KIDINS220: variants seen among roughly 807,000 people sequenced by gnomAD.
The protein encoded by KIDINS220 is kinase D interacting substrate 220.
In KIDINS220, 63 loss-of-function variants were observed where a neutral mutation model predicts 157.6. The ratio of observed to expected loss-of-function variants is 0.40; its 90% CI spans 0.33 to 0.49. KIDINS220 has a LOEUF of 0.49. KIDINS220 is among the 20% of genes least tolerant of loss of function. The pLI is 0.66. For missense variants in KIDINS220, 1,772 were observed against 2,171.2 expected, an observed-to-expected ratio of 0.82 and a Z score of 3.65; for synonymous variants, 732 against 783.6, an observed-to-expected ratio of 0.93 and a Z score of 1.10.
chr2:8,743,332 A>C (rs1305776366), intron 26 of KIDINS220, among the ~76,000 whole-genome samples: 1 of 152,236 alleles, frequency 6.6e-6, no homozygotes, highest in Non-Finnish European at 1.5e-5. Context: ...TGACTGAGAC[A>C]AAGATGATTT....
chr2:8,729,020 T>A lies in KIDINS220; in HGVS notation c.*1700A>T. The A allele has an allele frequency of 5.1e-6, 5 of 981,272 alleles. No homozygotes were observed. The highest frequency in any genetic ancestry group is 6.1e-6 in the Non-Finnish European group (5 of 825,732). The allele number at this position is 981,272 out of a possible 1,614,324, so 60.8% of individuals were successfully genotyped here. A position where few individuals can be genotyped will look rare whatever the true frequency, so the allele number is the denominator to read the frequency against. ...AAACAGTATAAAGAATGTACTCCAA[T>A]GATATTACGCGGCAACTACTCACCT... is the stretch of plus-strand genomic sequence containing the variant. On this transcript the variant is annotated 3_prime_UTR_variant, in exon 30 of 30. Coordinates refer to ENST00000256707, the MANE Select transcript of KIDINS220 (RefSeq NM_020738.4).
Position 8,798,319 on chromosome 2 carries a change from C to A in KIDINS220, c.901-19G>T, listed in dbSNP as rs1674239630. 1 of 1,295,558 alleles carries A rather than the reference C, an allele frequency of 7.7e-7. No individual in the cohort carries two copies. The highest frequency in any genetic ancestry group is 1.1e-6 in the Non-Finnish European group (1 of 893,192). 80.3% of individuals were successfully genotyped at this position (1,295,558 alleles called of 1,614,324 possible). A position where few individuals can be genotyped will look rare whatever the true frequency, so the allele number is the denominator to read the frequency against. Reference sequence around the variant, plus strand: ...TATTATCCTAGATAATTAAAAAAAACACAATCACTTCATGTAAGATACAAT... The same window carrying A: ...TATTATCCTAGATAATTAAAAAAAAAACAATCACTTCATGTAAGATACAAT... On this transcript the variant is annotated intron_variant, in intron 9 of 29. Transcript: ENST00000256707.
intron 13 of KIDINS220, 146 bp downstream of exon 13, chr2:8,790,914 G>A: frequency 1.7e-6 from 1 of 584,472 alleles, no homozygotes; most frequent in South Asian, 3.4e-5. Flanking sequence ...ATGACCGTGT[G>A]AAGGACCAAC....
intron 17 of KIDINS220, among the ~76,000 whole-genome samples, chr2:8,782,095 C>CA (rs1378722219): frequency 6.6e-6 from 1 of 151,966 alleles, no homozygotes; most frequent in Non-Finnish European, 1.5e-5. Flanking sequence ...GCCTGGGCAA[C>CA]AGAGTGAGAC....
chr2:8,775,812 G>A (rs1670888586), intron 21 of KIDINS220, among the ~76,000 whole-genome samples: 1 of 152,146 alleles, frequency 6.6e-6, no homozygotes, highest in Non-Finnish European at 1.5e-5. Flanking sequence ...ATTTTCGAGT[G>A]AGAGGGAAGG....
intron 21 of KIDINS220, among the ~76,000 whole-genome samples, chr2:8,775,684 G>C (rs1251931784): frequency 1.3e-5 from 2 of 152,176 alleles, no homozygotes; most frequent in African/African-American, 4.8e-5. Context: ...GAGACACAGG[G>C]ACAGACAAGT....
At chr2:8,760,574 C>T (rs931642539) in intron 22 of KIDINS220, among the ~76,000 whole-genome samples, 4 of 152,080 alleles carry the variant, frequency 2.6e-5, no homozygotes, top group African/African-American at 7.2e-5. Flanking sequence ...GTTTAAACAC[C>T]GGTAACATTT....
chr2:8,782,505 A>G (rs890009511), intron 17 of KIDINS220, among the ~76,000 whole-genome samples: 2 of 152,256 alleles, frequency 1.3e-5, no homozygotes, highest in African/African-American at 4.8e-5. Context: ...GAACAGGCCT[A>G]TATCTATTGA....
intron 26 of KIDINS220, among the ~76,000 whole-genome samples, chr2:8,743,025 G>A (rs1665841327): frequency 6.6e-6 from 1 of 152,130 alleles, no homozygotes; most frequent in Admixed American, 6.5e-5. Flanking sequence ...TGCCACTGAG[G>A]AGACCTGGCC....
chr2:8,749,551 T>C, intron 24 of KIDINS220: 2 of 334,176 alleles, frequency 6.0e-6, no homozygotes, highest in Non-Finnish European at 1.2e-5. Context: ...TTATCCTATT[T>C]ATATTAACTA....
intron 22 of KIDINS220, among the ~76,000 whole-genome samples, chr2:8,770,141 C>T (rs544612818): frequency 4.6e-5 from 7 of 152,144 alleles, no homozygotes; most frequent in African/African-American, 1.7e-4. Context: ...CAGTGTTTCA[C>T]GCCTGTAATC....
At chr2:8,744,445 TGG>T (rs1429238324) in intron 26 of KIDINS220, among the ~76,000 whole-genome samples, 6 of 105,680 alleles carry the variant, frequency 5.7e-5, no homozygotes, top group South Asian at 3.1e-4. Flanking sequence ...TATATATATA[TGG>T]GATCATCTCT....
chr2:8,764,569 G>C (rs922175148), intron 22 of KIDINS220, among the ~76,000 whole-genome samples: 14 of 152,192 alleles, frequency 9.2e-5, no homozygotes, highest in African/African-American at 3.4e-4. Flanking sequence ...CAAGTGTTAG[G>C]TGAAATATAC....
At position 8,827,071 on chromosome 2, in the gene KIDINS220, C is replaced by T. The variant is rs202051983; in HGVS notation, c.23G>A (p.Ser8Asn). 8.7e-5 allele frequency: 139 copies of T among 1,599,304 alleles called. No homozygotes were observed. Among genetic ancestry groups the T allele is most frequent in the Non-Finnish European group, 1.1e-4 (129 of 1,170,408 alleles). The stretch of plus-strand genomic sequence containing the variant: ...TTCTTCCTCTACATAATTTATGACG[C>T]TCTGTGATATCAAAACTGACATTTT... MSVLISQ[S>N]VINYVEEENI... The change falls in exon 2 of 30, where the codon AGC becomes AAC. Residue 8 changes from serine to asparagine, a missense_variant. Ser to Asn is a conservative substitution (Grantham distance 46). This residue lies in a region of KIDINS220 where 254 missense variants were observed against 268.6 expected (regional missense o/e 0.95). Transcript: ENST00000256707.
chr2:8,768,867 T>C lies in KIDINS220; in HGVS notation c.3011+1803A>G, dbSNP rs578162341. Among the ~76,000 whole-genome samples, 45 of 152,294 alleles carry C rather than the reference T, an allele frequency of 3.0e-4. No individual in the cohort carries two copies. The East Asian group carries it at 6.4e-3, about 22-fold the overall frequency. ...AGTTTTTCATTCCAAATCCTTATTA[T>C]ATATAATTATTTTAAGTCAATTCAT... On this transcript the variant is annotated intron_variant, in intron 22 of 29. Coordinates refer to ENST00000256707, the MANE Select transcript of KIDINS220 (RefSeq NM_020738.4).
At chr2:8,757,583 G>T in intron 22 of KIDINS220, 2 of 1,550,992 alleles carry the variant, frequency 1.3e-6, no homozygotes, top group South Asian at 2.4e-5. Context: ...GGTTGCTGAA[G>T]TTTTGAATAT....
In KIDINS220 at chr2:8,731,020, T is replaced by C. The variant is rs773043836; in HGVS notation, c.5016A>G (p.Lys1672=). Residue 1672 remains lysine, a synonymous_variant, in exon 30 of 30, where the codon AAA becomes AAG. Transcript: ENST00000256707. The surrounding 1 kb of genome is among the most constrained non-coding windows in gnomAD (Gnocchi z 5.2). ...SPEENWPACQ[K]AYNLNRTPST... is the part of the protein sequence containing the mutation. ...TGGGAGTTCGGTTCAGGTTGTAGGC[T>C]TTCTGGCATGCAGGCCAGTTTTCTT... 1.2e-6 allele frequency: 2 copies of C among 1,614,218 alleles called. No individual in the cohort carries two copies. Among genetic ancestry groups the C allele is most frequent in the South Asian group, 2.2e-5 (2 of 91,086 alleles).
At chr2:8,790,534 T>A (rs1673044447) in intron 13 of KIDINS220, among the ~76,000 whole-genome samples, 1 of 152,212 alleles carries the variant, frequency 6.6e-6, no homozygotes. Context: ...AGGTGCATGT[T>A]GAGCCCAATG....
chr2:8,736,571 T>C (rs1256839564), intron 27 of KIDINS220, among the ~76,000 whole-genome samples: 2 of 152,230 alleles, frequency 1.3e-5, no homozygotes, highest in Non-Finnish European at 2.9e-5. Flanking sequence ...TTTATCCCAA[T>C]GGGAATCCCT....
Sources: gnomAD v4.1 joint callset for allele counts (sites outside exome capture counted in the v4.1 genomes callset) on GRCh38, gnomAD v4.1.1 for gene constraint, gnomAD v4.1.1 regional missense constraint, Gnocchi (gnomAD v3.1) non-coding constraint, MANE v1.5 for transcripts, NCBI Gene and HGNC (gene_info 2026-07-23, HGNC 2026-07-21) for gene names.